Variants in FABP1 observed in about 807,000 individuals in gnomAD.
The protein encoded by FABP1 is fatty acid-binding protein, liver.
A neutral mutation model predicts 13.7 loss-of-function variants in FABP1; 13 were observed. The observed-to-expected ratio is 0.95, with a 90% CI of 0.62 to 1.51. The LOEUF (loss-of-function observed/expected upper bound fraction) is 1.51, where lower values mean the gene tolerates loss of function less well. Ranked by LOEUF, FABP1 falls within the 40% of genes most tolerant of loss-of-function variation. The probability of loss-of-function intolerance (pLI) is 0.00; values close to 1 mark genes in which losing one functional copy is unlikely to be tolerated. For synonymous variants in FABP1, 48 were observed against 59.8 expected, an observed-to-expected ratio of 0.80 and a Z score of 0.91; for missense variants, 140 against 155.7, an observed-to-expected ratio of 0.90 and a Z score of 0.54.
chr2:88,126,597 G>A, intron 1 of FABP1: 1 of 402,348 alleles, frequency 2.5e-6, no homozygotes, highest in Non-Finnish European at 4.6e-6. Flanking sequence ...CTTCTGGCCT[G>A]AAGAACCGTT....
Position 88,124,593 on chromosome 2 carries a change from G to A in FABP1, c.241-7C>T, listed in dbSNP as rs376714421. 4 of 1,603,930 alleles carry A rather than the reference G, an allele frequency of 2.5e-6. No homozygotes were observed. The highest frequency in any genetic ancestry group is 3.4e-6 in the Non-Finnish European group (4 of 1,173,492). ...CTTCCAACTGAACCACTGTCTGCAGGGAACAGAGAGGTGACCTGTGAGGAA... is the reference window on the plus strand; with the variant it reads ...CTTCCAACTGAACCACTGTCTGCAGAGAACAGAGAGGTGACCTGTGAGGAA... On this transcript the variant is annotated splice_region_variant and splice_polypyrimidine_tract_variant and intron_variant, in intron 2 of 3. Coordinates refer to ENST00000295834, the MANE Select transcript of FABP1 (RefSeq NM_001443.3).
At position 88,127,995 on chromosome 2, in the gene FABP1, T is replaced by C. The variant is rs779316108; in HGVS notation, c.23A>G (p.Gln8Arg). The C allele has an allele frequency of 1.7e-5, 28 of 1,614,112 alleles. 1 individual carries two copies. Among genetic ancestry groups the C allele is most frequent in the Middle Eastern group, 1.6e-4 (1 of 6,084 alleles). Residue 8 changes from glutamine (Q) to arginine (R), a missense_variant, in exon 1 of 4, where the codon CAA becomes CGA. Gln to Arg is a conservative substitution (Grantham distance 43). Coordinates refer to ENST00000295834, the MANE Select transcript of FABP1 (RefSeq NM_001443.3). MSFSGKY[Q>R]LQSQENFEAF... ...TTCAAAGTTTTCCTGGCTCTGCAGTTGGTACTTGCCGGAGAAACTCATGGT... is the reference window on the plus strand; with the variant it reads ...TTCAAAGTTTTCCTGGCTCTGCAGTCGGTACTTGCCGGAGAAACTCATGGT...
At position 88,128,049 on chromosome 2, in the gene FABP1, C is replaced by T; in HGVS notation, c.-32G>A. 1 of 1,609,082 alleles carries T rather than the reference C, an allele frequency of 6.2e-7. No homozygotes were observed. The highest frequency in any genetic ancestry group is 8.5e-7 in the Non-Finnish European group (1 of 1,175,432). ...AATAGAGCTCCCTCTTCACGACTGACCTGCGGCTCTGCCGACCAGACTGTC... is the reference window on the plus strand; with the variant it reads ...AATAGAGCTCCCTCTTCACGACTGATCTGCGGCTCTGCCGACCAGACTGTC... On this transcript the variant is annotated 5_prime_UTR_variant, in exon 1 of 4. Coordinates refer to ENST00000295834, the MANE Select transcript of FABP1 (RefSeq NM_001443.3).
At chr2:88,127,729 C>T (rs1012190862) in intron 1 of FABP1, among the ~76,000 whole-genome samples, 2 of 152,174 alleles carry the variant, frequency 1.3e-5, no homozygotes, top group South Asian at 4.1e-4. Context: ...CAATCCAGAC[C>T]ACACCCTAGT....
At chr2:88,124,183 ATG>A in intron 3 of FABP1, 1 of 311,446 alleles carries the variant, frequency 3.2e-6, no homozygotes. Context: ...TAATATGACC[ATG>A]AATGGGATTC....
At chr2:88,126,520 A>G in intron 1 of FABP1, 172 bp from the exon 2 acceptor site, 2 of 638,358 alleles carry the variant, frequency 3.1e-6, no homozygotes, top group Non-Finnish European at 2.7e-6. Flanking sequence ...GTGGCCTCAG[A>G]AAGGAAGGGA....
At position 88,124,521 on chromosome 2, in the gene FABP1, G is replaced by A. The variant is rs759988142; in HGVS notation, c.306C>T (p.Thr102=). ...VTTFKNIKSV[T]ELNGDIITNT... ...TGGTGATTATGTCGCCGTTGAGTTC[G>A]GTCACAGACTTGATGTTTTTGAAAG... is the stretch of plus-strand genomic sequence containing the variant. The change falls in exon 3 of 4, where the codon ACC becomes ACT. Residue 102 remains threonine, a synonymous_variant. Coordinates refer to ENST00000295834, the MANE Select transcript of FABP1 (RefSeq NM_001443.3). 1.3e-5 allele frequency: 21 copies of A among 1,608,268 alleles called. No homozygotes were observed. The highest frequency in any genetic ancestry group is 2.7e-5 in the African/African-American group (2 of 74,608).
chr2:88,123,150 T>C (rs1675234358), intron 3 of FABP1, 46 bp from the exon 4 acceptor site: 1 of 1,530,944 alleles, frequency 6.5e-7, no homozygotes, highest in Non-Finnish European at 8.9e-7. Flanking sequence ...TGATGTTGTA[T>C]TGTAAAAAAC....
intron 2 of FABP1, 121 bp downstream of exon 2, chr2:88,126,055 A>T: frequency 9.8e-7 from 1 of 1,020,224 alleles, no homozygotes; most frequent in Non-Finnish European, 1.4e-6. Flanking sequence ...CTTCTCCCAC[A>T]TGGGAGGTGG....
In FABP1 at chr2:88,123,252, T is replaced by C. The variant is rs377391152; in HGVS notation, c.334-148A>G. On this transcript the variant is annotated intron_variant, in intron 3 of 3. Coordinates refer to ENST00000295834, the MANE Select transcript of FABP1 (RefSeq NM_001443.3). ...ATTCAAAAATTCGTCTGGTTTCCTG[T>C]AGGACCGGAGGAAAGGTTGGCAATG... 2.2e-4 allele frequency: 139 copies of C among 643,744 alleles called. 2 individuals are homozygous for C. In the African/African-American group the frequency reaches 2.4e-3, roughly 11 times the overall value. The allele number at this position is 643,744 out of a possible 1,614,324, so 39.9% of individuals were successfully genotyped here.
intron 3 of FABP1, 77 bp downstream of exon 3, chr2:88,124,417 T>A (rs776557628): frequency 1.8e-6 from 2 of 1,113,374 alleles, no homozygotes; most frequent in South Asian, 2.8e-5. Context: ...TTAGGGTATG[T>A]GAGCCGCTCC....
intron 2 of FABP1, 113 bp from the exon 3 acceptor site, chr2:88,124,699 G>C (rs1675265376): frequency 1.5e-6 from 1 of 689,362 alleles, no homozygotes; most frequent in South Asian, 1.8e-5. Context: ...AAAATGCTCT[G>C]GTTCCTATGA....
intron 1 of FABP1, among the ~76,000 whole-genome samples, chr2:88,127,696 C>T (rs1034830092): frequency 3.9e-5 from 6 of 152,204 alleles, no homozygotes; most frequent in Non-Finnish European, 2.9e-5. Context: ...GATCACACAA[C>T]GAAGTGCCAA....
At chr2:88,124,164 A>G in intron 3 of FABP1, 1 of 257,256 alleles carries the variant, frequency 3.9e-6, no homozygotes, top group Non-Finnish European at 7.3e-6. Context: ...CCAGGCTTGT[A>G]AGCTGCCATA....
chr2:88,124,565 C>G lies in FABP1; in HGVS notation c.262G>C (p.Asp88His). 6.2e-7 allele frequency: 1 copy of G among 1,611,164 alleles called. No individual in the cohort carries two copies. The highest frequency in any genetic ancestry group is 8.5e-7 in the Non-Finnish European group (1 of 1,178,674). Residue 88 changes from aspartate (D) to histidine (H), a missense_variant, in exon 3 of 4, where the codon GAC (aspartate) becomes CAC (histidine). Coordinates refer to ENST00000295834, the MANE Select transcript of FABP1 (RefSeq NM_001443.3). ...KVKTVVQLEG[D>H]NKLVTTFKNI... ...TTGAAAGTTGTCACCAGTTTATTGT[C>G]ACCTTCCAACTGAACCACTGTCTGC...
intron 1 of FABP1, 191 bp from the exon 2 acceptor site, chr2:88,126,539 T>G: frequency 1.8e-6 from 1 of 551,256 alleles, no homozygotes; most frequent in South Asian, 2.8e-5. Context: ...GACAGTGACC[T>G]GGCCTGGCCT....
intron 1 of FABP1, among the ~76,000 whole-genome samples, chr2:88,127,748 C>G (rs1161709221): frequency 6.6e-6 from 1 of 152,212 alleles, no homozygotes; most frequent in African/African-American, 2.4e-5. Flanking sequence ...GTTCAGTGCT[C>G]TTTCCACTTG....
At chr2:88,125,967 A>AC (rs1418320537) in intron 2 of FABP1, 4 of 465,212 alleles carry the variant, frequency 8.6e-6, no homozygotes, top group Non-Finnish European at 1.5e-5. Flanking sequence ...GGGCTGGAAC[A>AC]CCCCCCAGAC....
At chr2:88,123,353 C>A in intron 3 of FABP1, 3 of 511,772 alleles carry the variant, frequency 5.9e-6, no homozygotes, top group Admixed American at 3.7e-5. Context: ...TGACTGAATT[C>A]TTTTCTACAT....
Sources: allele counts gnomAD v4.1 joint callset (sites outside exome capture counted in the v4.1 genomes callset), GRCh38; gene constraint gnomAD v4.1.1; transcripts MANE v1.5; gene names NCBI Gene and HGNC (gene_info 2026-07-23, HGNC 2026-07-21).